DHX35: variants seen among roughly 807,000 people sequenced by gnomAD.
The protein encoded by DHX35 is DEAH-box helicase 35.
DHX35 carries 84 observed loss-of-function variants against 99.6 expected under a neutral mutation model. The observed-to-expected ratio is 0.84, with a 90% CI of 0.71 to 1.01. The LOEUF (loss-of-function observed/expected upper bound fraction) is 1.01. Ranked by LOEUF, DHX35 falls within the 50% of genes least tolerant of loss-of-function variation. The pLI is 0.00. For missense variants in DHX35, 852 were observed against 888.5 expected (o/e 0.96, Z 0.52); for synonymous variants, 331 against 316.2 (o/e 1.05, Z -0.50).
intron 3 of DHX35, chr20:38,977,805 C>G: frequency 1.9e-6 from 1 of 520,754 alleles, no homozygotes; most frequent in Non-Finnish European, 3.7e-6. Context: ...TCCTTTTGAT[C>G]TTGGTGTTGG....
chr20:39,013,263 A>T (rs1190727242), intron 13 of DHX35, among the ~76,000 whole-genome samples: 4 of 152,196 alleles, frequency 2.6e-5, no homozygotes, highest in Non-Finnish European at 5.9e-5. Flanking sequence ...AATGGTGAAA[A>T]ACTGGAACAA....
chr20:39,005,391 A>G (rs946099150), intron 11 of DHX35, among the ~76,000 whole-genome samples: 8 of 152,068 alleles, frequency 5.3e-5, no homozygotes, highest in Non-Finnish European at 1.2e-4. Context: ...ACTGTTTCTT[A>G]TTCTTGGATC....
intron 21 of DHX35, among the ~76,000 whole-genome samples, chr20:39,035,645 G>C (rs544815048): frequency 3.3e-5 from 5 of 152,154 alleles, no homozygotes; most frequent in Non-Finnish European, 7.3e-5. Context: ...GTTCCTACGT[G>C]GTGGCATCAC....
chr20:38,965,771 G>A (rs2085900955), intron 1 of DHX35, among the ~76,000 whole-genome samples: 1 of 152,144 alleles, frequency 6.6e-6, no homozygotes, highest in Non-Finnish European at 1.5e-5. Context: ...TGACTTAAGG[G>A]CCTTGTATGA....
intron 4 of DHX35, among the ~76,000 whole-genome samples, chr20:38,984,741 T>C (rs2086224682): frequency 6.6e-6 from 1 of 152,246 alleles, no homozygotes; most frequent in African/African-American, 2.4e-5. Context: ...ATTTATAATA[T>C]ACATGTTCTT....
At chr20:38,989,222 C>G (rs546792326) in intron 5 of DHX35, among the ~76,000 whole-genome samples, 1 of 150,380 alleles carries the variant, frequency 6.6e-6, no homozygotes, top group African/African-American at 2.5e-5. Flanking sequence ...CTCAGCCTCC[C>G]GAGTAGCTGG....
chr20:39,026,560 C>T (rs568195615), intron 18 of DHX35, among the ~76,000 whole-genome samples: 4 of 152,028 alleles, frequency 2.6e-5, no homozygotes, highest in African/African-American at 4.8e-5. Flanking sequence ...GAAGGAATGC[C>T]GGGAAGAAGG....
At chr20:39,019,352 A>C (rs1380563618) in intron 15 of DHX35, among the ~76,000 whole-genome samples, 1 of 152,040 alleles carries the variant, frequency 6.6e-6, no homozygotes, top group African/African-American at 2.4e-5. Flanking sequence ...AATTTTCTTC[A>C]TTTTTAAGGC....
intron 2 of DHX35, among the ~76,000 whole-genome samples, chr20:38,972,080 C>G (rs1390777914): frequency 1.4e-5 from 2 of 147,702 alleles, no homozygotes; most frequent in East Asian, 4.1e-4. Context: ...ATGGTCTCGC[C>G]TCACTGCAGC....
intron 3 of DHX35, chr20:38,978,057 A>G (rs1285106282): frequency 5.3e-6 from 4 of 750,772 alleles, no homozygotes. Context: ...CTGACTCTGC[A>G]TCTTCCTCTA....
intron 8 of DHX35, 51 bp downstream of exon 8, chr20:38,994,931 T>C (rs2086403068): frequency 6.5e-7 from 1 of 1,540,144 alleles, no homozygotes; most frequent in Non-Finnish European, 9.0e-7. Flanking sequence ...ACTTTTGTCC[T>C]ATATATCCTT....
At chr20:39,022,435 C>T (rs1045121809) in intron 16 of DHX35, among the ~76,000 whole-genome samples, 2 of 152,116 alleles carry the variant, frequency 1.3e-5, no homozygotes, top group South Asian at 2.1e-4. Context: ...GTATTACAAG[C>T]GTGAGCCACC....
intron 8 of DHX35, among the ~76,000 whole-genome samples, chr20:38,996,674 A>C (rs1383747426): frequency 6.6e-6 from 1 of 152,212 alleles, no homozygotes; most frequent in East Asian, 1.9e-4. Context: ...TCTGGGATAC[A>C]GAACAACTTG....
chr20:38,997,987 C>G (rs1403609618), intron 8 of DHX35, among the ~76,000 whole-genome samples: 1 of 152,206 alleles, frequency 6.6e-6, no homozygotes, highest in Non-Finnish European at 1.5e-5. Flanking sequence ...GCCGTGGTTT[C>G]TCTCAGGGAC....
chr20:39,009,774 G>A (rs1241561669), intron 12 of DHX35, among the ~76,000 whole-genome samples: 1 of 152,066 alleles, frequency 6.6e-6, no homozygotes. Flanking sequence ...TCATTTCTTG[G>A]TTTGGGGCAG....
At chr20:38,992,185 C>T (rs893113140) in intron 6 of DHX35, among the ~76,000 whole-genome samples, 171 bp from the exon 7 acceptor site, 1 of 152,010 alleles carries the variant, frequency 6.6e-6, no homozygotes, top group Non-Finnish European at 1.5e-5. Context: ...TTAATGTCAC[C>T]GTTTTTATTA....
Position 38,962,420 on chromosome 20 carries a change from G to T in DHX35, c.40+13G>T, listed in dbSNP as rs760294601. 9.3e-6 allele frequency: 15 copies of T among 1,611,818 alleles called. No homozygotes were observed. Among genetic ancestry groups the T allele is most frequent in the African/African-American group, 2.7e-5 (2 of 74,856 alleles). The stretch of plus-strand genomic sequence containing the variant: ...TTCTGGCGACCCGGTAAGGCCCTTG[G>T]TGGAACGCTGGGCAGATGCGGCGGC... On this transcript the variant is annotated intron_variant, in intron 1 of 21. Coordinates refer to ENST00000252011, the MANE Select transcript of DHX35 (RefSeq NM_021931.4).
intron 14 of DHX35, among the ~76,000 whole-genome samples, chr20:39,016,448 C>T (rs896179696): frequency 6.6e-6 from 1 of 152,198 alleles, no homozygotes; most frequent in African/African-American, 2.4e-5. Flanking sequence ...CAGGTTCCTT[C>T]ATGTTGTAAC....
chr20:39,004,745 T>A (rs1409785318), intron 11 of DHX35, among the ~76,000 whole-genome samples: 2 of 152,186 alleles, frequency 1.3e-5, no homozygotes, highest in Non-Finnish European at 2.9e-5. Context: ...TTCCTTTCAT[T>A]AGATGAGGAC....
Sources: gnomAD v4.1 joint callset for allele counts (sites outside exome capture counted in the v4.1 genomes callset) on GRCh38, gnomAD v4.1.1 for gene constraint, MANE v1.5 for transcripts, NCBI Gene and HGNC (gene_info 2026-07-23, HGNC 2026-07-21) for gene names.